Variants in PPP6R3 observed in about 807,000 individuals in gnomAD.
The protein encoded by PPP6R3 is serine/threonine-protein phosphatase 6 regulatory subunit 3.
In PPP6R3, 38 loss-of-function variants were observed where a neutral mutation model predicts 110.7. That is an observed-to-expected ratio of 0.34 (90% CI 0.26 to 0.45). The LOEUF is 0.45. Ranked by LOEUF, PPP6R3 falls within the 20% of genes least tolerant of loss-of-function variation. PPP6R3 has a pLI of 1.00. For synonymous variants in PPP6R3, 369 were observed against 373.5 expected (o/e 0.99, Z 0.14); for missense variants, 870 against 1,062.4 (o/e 0.82, Z 2.52).
intron 18 of PPP6R3, among the ~76,000 whole-genome samples, chr11:68,595,729 G>C (rs992526897): frequency 2.0e-5 from 3 of 152,190 alleles, no homozygotes; most frequent in Non-Finnish European, 4.4e-5. Context: ...AGTGTGAAAA[G>C]ACAGTTAAGA....
At chr11:68,555,210 T>C (rs918982055) in intron 7 of PPP6R3, among the ~76,000 whole-genome samples, 2 of 152,222 alleles carry the variant, frequency 1.3e-5, no homozygotes, top group African/African-American at 4.8e-5. Flanking sequence ...GCATCTTACC[T>C]GTCCCATTTT....
chr11:68,571,051 A>C lies in PPP6R3; in HGVS notation c.1290A>C (p.Lys430Asn). The change falls in exon 12 of 24, where the codon AAA (lysine) becomes AAC (asparagine). Residue 430 changes from lysine to asparagine, a missense_variant. Physicochemically the swap from Lys to Asn is moderately conservative, Grantham distance 94. Transcript: ENST00000393800. ...DNLLLKHLFQ[K>N]CQLIERILEA... ...TTTTTTTTTTTCAGCTTTTCCAAAA[A>C]TGTCAATTAATAGAACGAATACTTG... The C allele has an allele frequency of 6.3e-7, 1 of 1,593,016 alleles. No individual in the cohort carries two copies. Among genetic ancestry groups the C allele is most frequent in the East Asian group, 2.2e-5 (1 of 44,556 alleles).
intron 1 of PPP6R3, among the ~76,000 whole-genome samples, chr11:68,493,188 A>G (rs2098994310): frequency 6.6e-6 from 1 of 152,148 alleles, no homozygotes; most frequent in Non-Finnish European, 1.5e-5. Context: ...CTGAATCCTG[A>G]TACTTCCAAA....
chr11:68,561,166 C>T (rs889189787), intron 8 of PPP6R3, among the ~76,000 whole-genome samples: 1 of 152,192 alleles, frequency 6.6e-6, no homozygotes, highest in Non-Finnish European at 1.5e-5. Flanking sequence ...GGATTACAGG[C>T]GTGAGCCACC....
At chr11:68,538,158 A>C (rs1225997764) in intron 3 of PPP6R3, among the ~76,000 whole-genome samples, 1 of 152,276 alleles carries the variant, frequency 6.6e-6, no homozygotes, top group Non-Finnish European at 1.5e-5. Context: ...TAAATATCTC[A>C]AAATAGTAAG....
At chr11:68,588,064 C>T (rs759673247) in intron 16 of PPP6R3, 40 bp downstream of exon 16, 4 of 1,521,298 alleles carry the variant, frequency 2.6e-6, no homozygotes, top group Non-Finnish European at 3.7e-6. Context: ...CTCTTGCACA[C>T]CCTTGCTCTT....
intron 1 of PPP6R3, among the ~76,000 whole-genome samples, chr11:68,491,758 C>G (rs1480946655): frequency 4.6e-5 from 7 of 152,124 alleles, no homozygotes; most frequent in African/African-American, 1.7e-4. Flanking sequence ...TCTTCCCATA[C>G]TGAAACACAG....
intron 5 of PPP6R3, among the ~76,000 whole-genome samples, chr11:68,549,370 C>G (rs561485778): frequency 2.0e-5 from 3 of 152,292 alleles, no homozygotes; most frequent in South Asian, 2.1e-4. Flanking sequence ...GAAGGTCTTT[C>G]AGGTGGTGCC....
intron 1 of PPP6R3, among the ~76,000 whole-genome samples, chr11:68,486,907 C>A (rs2098951274): frequency 6.6e-6 from 1 of 152,022 alleles, no homozygotes; most frequent in Non-Finnish European, 1.5e-5. Context: ...TCTTCTAATG[C>A]CCATGGTATC....
At chr11:68,567,768 G>A (rs2099484065) in intron 10 of PPP6R3, among the ~76,000 whole-genome samples, 1 of 152,142 alleles carries the variant, frequency 6.6e-6, no homozygotes, top group Non-Finnish European at 1.5e-5. Flanking sequence ...GAAAGCGCGA[G>A]GGTTAACACT....
intron 4 of PPP6R3, among the ~76,000 whole-genome samples, chr11:68,547,151 T>G (rs2099352495): frequency 6.6e-6 from 1 of 152,200 alleles, no homozygotes; most frequent in Admixed American, 6.5e-5. Flanking sequence ...TATCCAATTT[T>G]AAATCCCAGG....
intron 5 of PPP6R3, chr11:68,550,852 G>A (rs1246959679): frequency 2.9e-6 from 1 of 345,004 alleles, no homozygotes; most frequent in African/African-American, 2.1e-5. Context: ...GTCTGGAGGT[G>A]ACCTCATGGC....
intron 1 of PPP6R3, among the ~76,000 whole-genome samples, chr11:68,469,837 C>T (rs80087821): frequency 0.056 from 8,474 of 152,244 alleles, 251 homozygotes; most frequent in Middle Eastern, 0.13. Flanking sequence ...CCTGTGTCCT[C>T]GTCTCACCAC....
At chr11:68,482,239 A>C (rs1201848893) in intron 1 of PPP6R3, among the ~76,000 whole-genome samples, 1 of 150,988 alleles carries the variant, frequency 6.6e-6, no homozygotes, top group African/African-American at 2.4e-5. Context: ...AAAAAAAAAA[A>C]ACCAAAAAAA....
At chr11:68,565,922 C>T (rs1247531514) in intron 9 of PPP6R3, among the ~76,000 whole-genome samples, 1 of 152,034 alleles carries the variant, frequency 6.6e-6, no homozygotes, top group African/African-American at 2.4e-5. Flanking sequence ...TGTGAGTCCT[C>T]GGGAGGATGG....
At chr11:68,514,025 G>A (rs2099123576) in intron 1 of PPP6R3, among the ~76,000 whole-genome samples, 1 of 152,192 alleles carries the variant, frequency 6.6e-6, no homozygotes, top group Non-Finnish European at 1.5e-5. Flanking sequence ...AAAGCTGATT[G>A]CATACAATTA....
intron 23 of PPP6R3, among the ~76,000 whole-genome samples, chr11:68,612,166 T>C (rs1457003406): frequency 6.6e-6 from 1 of 152,182 alleles, no homozygotes; most frequent in Non-Finnish European, 1.5e-5. Context: ...GCAAGTTAGT[T>C]ATATACCAGT....
rs993928423 is a variant in PPP6R3 at position 68,485,155 on chromosome 11, A to AT, written c.-158+24338dup. ...TTTTTTGGATATGTTAATATAAATA[A>AT]TTTTTTTTTTATTTTCAAATTCCAC... On this transcript the variant is annotated intron_variant, in intron 1 of 23. Coordinates refer to ENST00000393800, the MANE Select transcript of PPP6R3 (RefSeq NM_001164161.2). Among the ~76,000 whole-genome samples the AT allele has an allele frequency of 5.1e-3, 755 of 148,776 alleles. 6 individuals are homozygous for AT. Among genetic ancestry groups the AT allele is most frequent in the African/African-American group, 0.017 (683 of 40,566 alleles).
At chr11:68,484,096 C>T (rs2098931695) in intron 1 of PPP6R3, among the ~76,000 whole-genome samples, 1 of 152,110 alleles carries the variant, frequency 6.6e-6, no homozygotes, top group Non-Finnish European at 1.5e-5. Context: ...TCTGGATGTG[C>T]CCAAATTTAT....
Sources: gnomAD v4.1 joint callset for allele counts (sites outside exome capture counted in the v4.1 genomes callset) on GRCh38, gnomAD v4.1.1 for gene constraint, MANE v1.5 for transcripts, NCBI Gene and HGNC (gene_info 2026-07-23, HGNC 2026-07-21) for gene names.